CDH2: variants seen among roughly 807,000 people sequenced by gnomAD.
CDH2 encodes cadherin 2, also known as cadherin-2.
Under a neutral mutation model 92.0 loss-of-function variants are expected in CDH2, and 17 were observed. That is an observed-to-expected ratio of 0.18 (90% confidence interval 0.13 to 0.28). CDH2 has a LOEUF of 0.28. Among genes scored for constraint, CDH2 ranks in the 10% least tolerant of loss-of-function variants. The pLI, the probability that CDH2 is intolerant of heterozygous loss-of-function variation, is 1.00. For missense variants in CDH2, 862 were observed against 1,133.1 expected (o/e 0.76, Z 3.44); for synonymous variants, 419 against 415.9 (o/e 1.01, Z -0.09).
chr18:28,034,418 AT>A (rs2013774840), intron 2 of CDH2, among the ~76,000 whole-genome samples: 1 of 149,738 alleles, frequency 6.7e-6, no homozygotes, highest in African/African-American at 2.4e-5. Context: ...CAGGGATAAA[AT>A]TGTTTTAAAT....
intron 2 of CDH2, among the ~76,000 whole-genome samples, chr18:28,041,694 C>T (rs559782921): frequency 2.0e-4 from 30 of 152,188 alleles, no homozygotes; most frequent in African/African-American, 6.5e-4. Context: ...GCAGTATGGG[C>T]CTGCCTCAAC....
At chr18:27,957,267 G>C (rs1365448175) in intron 15 of CDH2, among the ~76,000 whole-genome samples, 2 of 151,460 alleles carry the variant, frequency 1.3e-5, no homozygotes, top group Non-Finnish European at 2.9e-5. Context: ...TTTATTTTTA[G>C]AGACAGGGTC....
intron 2 of CDH2, among the ~76,000 whole-genome samples, chr18:28,026,001 G>A (rs1440868027): frequency 6.6e-6 from 1 of 151,998 alleles, no homozygotes; most frequent in African/African-American, 2.4e-5. Flanking sequence ...ATTCATGGGG[G>A]GCATGGATTC....
At chr18:28,176,289 G>A (rs114794821) in intron 1 of CDH2, among the ~76,000 whole-genome samples, 1,896 of 152,302 alleles carry the variant, frequency 0.012, 50 homozygotes, top group African/African-American at 0.043. Flanking sequence ...GGCGTGAGAG[G>A]CCAGACTCGT....
chr18:28,153,236 G>C (rs942571739), intron 1 of CDH2, among the ~76,000 whole-genome samples: 4 of 152,246 alleles, frequency 2.6e-5, no homozygotes, highest in African/African-American at 9.6e-5. Context: ...TTTATGTTGA[G>C]CTTGTAGTCC....
At chr18:28,154,636 G>C (rs1395874321) in intron 1 of CDH2, among the ~76,000 whole-genome samples, 2 of 152,162 alleles carry the variant, frequency 1.3e-5, no homozygotes, top group African/African-American at 4.8e-5. Flanking sequence ...GAGCTTTAAA[G>C]CCGAGTCCAC....
At chr18:27,960,117 C>A (rs2011363009) in intron 15 of CDH2, among the ~76,000 whole-genome samples, 1 of 152,080 alleles carries the variant, frequency 6.6e-6, no homozygotes, top group Non-Finnish European at 1.5e-5. Context: ...CATCCATTCA[C>A]TTGGTTCACC....
At chr18:28,047,351 C>A (rs2014096893) in intron 2 of CDH2, among the ~76,000 whole-genome samples, 1 of 152,140 alleles carries the variant, frequency 6.6e-6, no homozygotes, top group South Asian at 2.1e-4. Context: ...CTGAAGATAT[C>A]TTAAGGACAG....
chr18:27,990,961 TC>T (rs1163822193), intron 9 of CDH2, among the ~76,000 whole-genome samples: 4 of 152,194 alleles, frequency 2.6e-5, no homozygotes, highest in African/African-American at 9.7e-5. Context: ...TTTCTTTTCC[TC>T]TTAGCAAACT....
intron 6 of CDH2, among the ~76,000 whole-genome samples, chr18:27,935,487 A>T (rs1432537379): frequency 1.3e-5 from 2 of 152,206 alleles, no homozygotes; most frequent in African/African-American, 4.8e-5. Flanking sequence ...GCCTACTTCC[A>T]ACGCTGGGGA....
chr18:28,156,682 A>G (rs34328869), intron 1 of CDH2, among the ~76,000 whole-genome samples: 9 of 70,826 alleles, frequency 1.3e-4, no homozygotes, highest in East Asian at 7.5e-4. Context: ...CTTCCCAGGT[A>G]CAGCATGTCA....
At chr18:27,978,090 T>C (rs185260023) in intron 14 of CDH2, among the ~76,000 whole-genome samples, 1 of 152,332 alleles carries the variant, frequency 6.6e-6, no homozygotes, top group African/African-American at 2.4e-5. Flanking sequence ...GTGTATTTCA[T>C]ACCGCTGAAC....
At chr18:28,054,001 G>A (rs1179717678) in intron 2 of CDH2, among the ~76,000 whole-genome samples, 1 of 152,108 alleles carries the variant, frequency 6.6e-6, no homozygotes, top group African/African-American at 2.4e-5. Flanking sequence ...GCCATGGGAG[G>A]CTGCATAACC....
At chr18:28,035,744 C>G (rs1162696703) in intron 2 of CDH2, among the ~76,000 whole-genome samples, 1 of 151,968 alleles carries the variant, frequency 6.6e-6, no homozygotes, top group Non-Finnish European at 1.5e-5. Context: ...GTATAAAGTT[C>G]TTTGTCATAG....
intron 2 of CDH2, among the ~76,000 whole-genome samples, chr18:28,042,782 G>A (rs1029277463): frequency 3.3e-5 from 5 of 152,096 alleles, no homozygotes; most frequent in South Asian, 2.1e-4. Flanking sequence ...TTAGGATCTC[G>A]TCTTTTCCAG....
rs75879667 is a variant in CDH2, at chr18:28,070,179, C to G, written c.173-56270G>C. ...TATGGTAAACTGATAGTTATACCAC[C>G]CTGTCTACATAAGGAAGTTTGCCAA... On this transcript the variant is annotated intron_variant, in intron 2 of 15. Coordinates refer to ENST00000269141, the MANE Select transcript of CDH2 (RefSeq NM_001792.5). Among the ~76,000 whole-genome samples, 462 of 152,178 alleles carry G rather than the reference C, an allele frequency of 3.0e-3. 2 individuals are homozygous for G. Among genetic ancestry groups the G allele is most frequent in the African/African-American group, 0.011 (444 of 41,520 alleles).
intron 6 of CDH2, among the ~76,000 whole-genome samples, chr18:27,942,157 A>G (rs1341119927): frequency 6.6e-6 from 1 of 152,212 alleles, no homozygotes; most frequent in Non-Finnish European, 1.5e-5. Flanking sequence ...GAAGGGCAAA[A>G]AGAATATGTA....
At chr18:28,046,650 AC>A (rs1311387259) in intron 2 of CDH2, among the ~76,000 whole-genome samples, 1 of 152,216 alleles carries the variant, frequency 6.6e-6, no homozygotes, top group Non-Finnish European at 1.5e-5. Context: ...TTTGTCACAG[AC>A]CTGAATAAAA....
intron 2 of CDH2, among the ~76,000 whole-genome samples, chr18:28,097,675 C>T (rs2015159135): frequency 6.6e-6 from 1 of 152,152 alleles, no homozygotes; most frequent in Admixed American, 6.5e-5. Flanking sequence ...TATACAAATA[C>T]TATGCCATTT....
Sources: allele counts gnomAD v4.1 joint callset (sites outside exome capture counted in the v4.1 genomes callset), GRCh38; gene constraint gnomAD v4.1.1; transcripts MANE v1.5; gene names NCBI Gene and HGNC (gene_info 2026-07-23, HGNC 2026-07-21).